HEPHL1: variants seen among roughly 807,000 people sequenced by gnomAD.
The protein encoded by HEPHL1 is ferroxidase HEPHL1.
Under a neutral mutation model 122.0 loss-of-function variants are expected in HEPHL1, and 123 were observed. The ratio of observed to expected loss-of-function variants is 1.01; its 90% confidence interval spans 0.87 to 1.17. The LOEUF (loss-of-function observed/expected upper bound fraction) is 1.17. Among genes scored for constraint, HEPHL1 ranks in the 50% most tolerant of loss-of-function variants. The pLI is 0.00. For synonymous variants in HEPHL1, 527 were observed against 508.9 expected, an observed-to-expected ratio of 1.04 and a Z score of -0.48; for missense variants, 1,452 against 1,430.5, an observed-to-expected ratio of 1.01 and a Z score of -0.24.
At chr11:94,069,161 C>T (rs1946055897) in intron 5 of HEPHL1, among the ~76,000 whole-genome samples, 1 of 152,170 alleles carries the variant, frequency 6.6e-6, no homozygotes, top group Non-Finnish European at 1.5e-5. Context: ...AGTAAGATCG[C>T]TAAATTAGCC....
At chr11:94,092,239 G>C (rs1226104238) in intron 12 of HEPHL1, among the ~76,000 whole-genome samples, 1 of 152,206 alleles carries the variant, frequency 6.6e-6, no homozygotes, top group African/African-American at 2.4e-5. Context: ...TGTCTTTTGT[G>C]ATGATCTGCC....
intron 11 of HEPHL1, among the ~76,000 whole-genome samples, chr11:94,088,327 G>A (rs896551119): frequency 3.3e-5 from 5 of 152,058 alleles, no homozygotes; most frequent in Non-Finnish European, 5.9e-5. Flanking sequence ...AAATCCTTTA[G>A]GGCAAAATAC....
intron 17 of HEPHL1, among the ~76,000 whole-genome samples, chr11:94,108,848 G>C (rs1225820141): frequency 1.3e-5 from 2 of 152,054 alleles, no homozygotes; most frequent in East Asian, 3.8e-4. Flanking sequence ...AGCTATTCTA[G>C]ATGTTTGCCT....
chr11:94,087,038 A>G (rs1946224402), intron 11 of HEPHL1, among the ~76,000 whole-genome samples: 1 of 152,248 alleles, frequency 6.6e-6, no homozygotes, highest in Non-Finnish European at 1.5e-5. Context: ...TCATCAATTA[A>G]GAACTTGAGG....
At chr11:94,078,020 T>G (rs1044179230) in intron 9 of HEPHL1, among the ~76,000 whole-genome samples, 32 of 152,198 alleles carry the variant, frequency 2.1e-4, no homozygotes, top group African/African-American at 7.5e-4. Context: ...TGCTTATGTG[T>G]ATAGTATGTT....
chr11:94,100,997 T>C (rs1177707047), intron 13 of HEPHL1, among the ~76,000 whole-genome samples, 198 bp from the exon 14 acceptor site: 1 of 152,178 alleles, frequency 6.6e-6, no homozygotes, highest in Non-Finnish European at 1.5e-5. Context: ...AAGCAGAATT[T>C]AAACCCATTG....
intron 12 of HEPHL1, among the ~76,000 whole-genome samples, chr11:94,092,103 A>T (rs1047590691): frequency 2.6e-5 from 4 of 152,206 alleles, no homozygotes; most frequent in Admixed American, 6.5e-5. Flanking sequence ...AGGGAAAATG[A>T]TTAGGAACAA....
intron 5 of HEPHL1, 25 bp downstream of exon 5, chr11:94,067,775 G>T (rs766278698): frequency 1.2e-6 from 2 of 1,609,966 alleles, no homozygotes; most frequent in Admixed American, 3.3e-5. Flanking sequence ...GACCAGAGTT[G>T]ATATGTTTAG....
chr11:94,091,167 T>C lies in HEPHL1; in HGVS notation c.2294+2199T>C, dbSNP rs1283492599. ...TCTGCTAGGGATTTTACAAACCTTATCTGACATAACCCTTACAACACACCT... is the reference window on the plus strand; with the variant it reads ...TCTGCTAGGGATTTTACAAACCTTACCTGACATAACCCTTACAACACACCT... On this transcript the variant is annotated intron_variant, in intron 12 of 19. Coordinates refer to ENST00000315765, the MANE Select transcript of HEPHL1 (RefSeq NM_001098672.2). 3.9e-5 allele frequency among the ~76,000 whole-genome samples: 6 copies of C among 152,214 alleles called. No homozygotes were observed. The South Asian group carries it at 6.2e-4, about 16-fold the overall frequency.
chr11:94,097,506 A>G (rs556820746), intron 13 of HEPHL1, among the ~76,000 whole-genome samples: 2 of 152,286 alleles, frequency 1.3e-5, no homozygotes, highest in East Asian at 1.9e-4. Flanking sequence ...GATTTGGGGT[A>G]GAGAGTTCTG....
chr11:94,101,259 G>GCCCT lies in HEPHL1; in HGVS notation c.2500_2503dup (p.Tyr835SerfsTer14), dbSNP rs1565362575. The GCCCT allele has an allele frequency of 6.2e-7, 1 of 1,613,938 alleles. No individual in the cohort carries two copies. The highest frequency in any genetic ancestry group is 8.5e-7 in the Non-Finnish European group (1 of 1,179,824). On this transcript the variant is annotated frameshift_variant, in exon 14 of 20. Coordinates refer to ENST00000315765, the MANE Select transcript of HEPHL1 (RefSeq NM_001098672.2). LOFTEE classifies it high-confidence loss of function. Reference sequence around the variant, plus strand: ...TCATATTTAAGAACAAAGCCAGTAGGCCCTACTCCATCTCAGCCCAGGGTG... The same window carrying GCCCT: ...TCATATTTAAGAACAAAGCCAGTAGGCCCTCCCTACTCCATCTCAGCCCAGGGTG...
At chr11:94,089,631 C>CT (rs1201499555) in intron 12 of HEPHL1, among the ~76,000 whole-genome samples, 1 of 152,146 alleles carries the variant, frequency 6.6e-6, no homozygotes, top group Non-Finnish European at 1.5e-5. Context: ...GTCCAGGAAC[C>CT]AAGATCCCTA....
In HEPHL1 at chr11:94,073,419, A is replaced by C; in HGVS notation, c.1484A>C (p.Asp495Ala). Residue 495 changes from aspartate (D) to alanine (A), a missense_variant, in exon 8 of 20, where the codon GAT becomes GCT. By Grantham distance (126) the Asp-to-Ala change is moderately radical. Coordinates refer to ENST00000315765, the MANE Select transcript of HEPHL1 (RefSeq NM_001098672.2). Reference protein sequence around the residue: ...PHGVIYDKASDAAPNLDGFVK... With the variant: ...PHGVIYDKASAAAPNLDGFVK... ...GGTGTGATCTATGACAAGGCATCTG[A>C]TGCAGCCCCAAACCTAGATGGTAAG... is the stretch of plus-strand genomic sequence containing the variant. The C allele has an allele frequency of 6.4e-7, 1 of 1,555,400 alleles. No homozygotes were observed. The highest frequency in any genetic ancestry group is 8.7e-7 in the Non-Finnish European group (1 of 1,148,450).
chr11:94,067,136 G>C (rs1176940683), intron 4 of HEPHL1, among the ~76,000 whole-genome samples: 2 of 152,144 alleles, frequency 1.3e-5, no homozygotes, highest in African/African-American at 4.8e-5. Flanking sequence ...ATCTGGTGAA[G>C]ACAGCAGATA....
intron 12 of HEPHL1, among the ~76,000 whole-genome samples, chr11:94,092,677 C>T (rs1369949334): frequency 6.6e-6 from 1 of 152,100 alleles, no homozygotes; most frequent in Non-Finnish European, 1.5e-5. Context: ...TTTGTTCCTG[C>T]ATGAGTTACA....
intron 2 of HEPHL1, among the ~76,000 whole-genome samples, chr11:94,046,121 G>A (rs113690428): frequency 0.066 from 941 of 14,294 alleles, 18 homozygotes; most frequent in African/African-American, 0.12. Flanking sequence ...TTGAGAGGTA[G>A]TCTCACTCTG....
intron 3 of HEPHL1, 150 bp from the exon 4 acceptor site, chr11:94,064,181 C>T: frequency 1.8e-6 from 1 of 571,164 alleles, no homozygotes; most frequent in Non-Finnish European, 3.0e-6. Flanking sequence ...CTGTCATCTC[C>T]ATTAAAGCCT....
intron 10 of HEPHL1, among the ~76,000 whole-genome samples, chr11:94,085,524 T>C (rs1432447207): frequency 6.6e-6 from 1 of 152,154 alleles, no homozygotes; most frequent in Non-Finnish European, 1.5e-5. Context: ...ATGTAATCAG[T>C]AAAAGCATGT....
intron 1 of HEPHL1, among the ~76,000 whole-genome samples, chr11:94,024,464 A>G (rs924604049): frequency 3.3e-5 from 5 of 152,232 alleles, no homozygotes; most frequent in African/African-American, 1.2e-4. Context: ...TGGTGAAAGA[A>G]AGGAGAGAGA....
Sources: allele counts gnomAD v4.1 joint callset (sites outside exome capture counted in the v4.1 genomes callset), GRCh38; gene constraint gnomAD v4.1.1; transcripts MANE v1.5; gene names NCBI Gene and HGNC (gene_info 2026-07-23, HGNC 2026-07-21).